Variants in COL5A2 observed in about 807,000 individuals in gnomAD.
The protein encoded by COL5A2 is collagen type V alpha 2 chain.
COL5A2 carries 23 observed loss-of-function variants against 208.2 expected under a neutral mutation model. The ratio of observed to expected loss-of-function variants is 0.11; its 90% CI spans 0.08 to 0.16. The LOEUF (loss-of-function observed/expected upper bound fraction) is 0.16. COL5A2 is among the 10% of genes least tolerant of loss of function. COL5A2 has a pLI of 1.00. For synonymous variants in COL5A2, 625 were observed against 628.5 expected, an observed-to-expected ratio of 0.99 and a Z score of 0.08; for missense variants, 1,590 against 1,956.4, an observed-to-expected ratio of 0.81 and a Z score of 3.53.
chr2:189,431,276 T>G, the COL5A2 span, among the ~76,000 whole-genome samples: 1 of 151,796 alleles, frequency 6.6e-6, no homozygotes, highest in African/African-American at 2.4e-5. Context: ...AAAACCAGAG[T>G]GCCTCTTCTC....
At chr2:189,227,095 T>G (rs1328555866), upstream of COL5A2, among the ~76,000 whole-genome samples, 1 of 152,136 alleles carries the variant, frequency 6.6e-6, no homozygotes, top group Non-Finnish European at 1.5e-5. Flanking sequence ...GAATCTCTAC[T>G]TGGGCCAATT....
At chr2:189,381,255 T>G in the COL5A2 span, among the ~76,000 whole-genome samples, 1 of 152,200 alleles carries the variant, frequency 6.6e-6, no homozygotes, top group Non-Finnish European at 1.5e-5. Context: ...GCAGAAAGCT[T>G]TTAGGAAGAC....
chr2:189,257,166 G>A, the COL5A2 span, among the ~76,000 whole-genome samples: 3 of 152,196 alleles, frequency 2.0e-5, no homozygotes, highest in African/African-American at 7.2e-5. Flanking sequence ...CACATGGTTG[G>A]ACTAATTTAT....
chr2:189,144,255 C>G (rs1183866827), intron 1 of COL5A2, among the ~76,000 whole-genome samples: 1 of 152,042 alleles, frequency 6.6e-6, no homozygotes, highest in Admixed American at 6.6e-5. Context: ...AAAAAAGGTA[C>G]AGTTTGACAC....
At chr2:189,192,902 TATCACA>T (rs1688948922) in intron 1 of COL5A2, among the ~76,000 whole-genome samples, 1 of 152,128 alleles carries the variant, frequency 6.6e-6, no homozygotes, top group South Asian at 2.1e-4. Context: ...GTGTGCTACT[TATCACA>T]AGAGTGCTAC....
chr2:189,182,127 T>C (rs1189403224), upstream of COL5A2, among the ~76,000 whole-genome samples: 2 of 152,208 alleles, frequency 1.3e-5, no homozygotes, highest in African/African-American at 2.4e-5. Flanking sequence ...TGACCAGGAA[T>C]ATCTGTTTAA....
chr2:189,300,632 C>G, the COL5A2 span, among the ~76,000 whole-genome samples: 1 of 152,156 alleles, frequency 6.6e-6, no homozygotes, highest in African/African-American at 2.4e-5. Context: ...CAGCCAGAGG[C>G]GGGACAGCCC....
the COL5A2 span, among the ~76,000 whole-genome samples, chr2:189,436,037 TA>T: frequency 6.6e-6 from 1 of 152,134 alleles, no homozygotes; most frequent in South Asian, 2.1e-4. Context: ...GGCACATGGA[TA>T]AAGCTAGAAA....
intron 1 of COL5A2, among the ~76,000 whole-genome samples, chr2:189,158,041 T>C (rs1207522990): frequency 6.6e-6 from 1 of 151,990 alleles, no homozygotes; most frequent in African/African-American, 2.4e-5. Context: ...TGAAACATAG[T>C]ACAGGTCCAA....
intron 1 of COL5A2, among the ~76,000 whole-genome samples, chr2:189,150,109 C>T (rs568910420): frequency 2.6e-5 from 4 of 152,290 alleles, no homozygotes; most frequent in African/African-American, 7.2e-5. Context: ...AACTAGCCCT[C>T]ACTCATTACT....
the COL5A2 span, among the ~76,000 whole-genome samples, chr2:189,401,548 T>C: frequency 1.3e-5 from 2 of 152,208 alleles, no homozygotes; most frequent in Non-Finnish European, 2.9e-5. Context: ...ATCTTTATAA[T>C]AGAATGATTT....
chr2:189,280,408 G>T, the COL5A2 span, among the ~76,000 whole-genome samples: 1 of 152,048 alleles, frequency 6.6e-6, no homozygotes, highest in Non-Finnish European at 1.5e-5. Context: ...AGGTATAGGT[G>T]CTTCTACTTC....
chr2:189,201,287 T>C (rs1269922512), intron 1 of COL5A2, among the ~76,000 whole-genome samples: 2 of 151,882 alleles, frequency 1.3e-5, no homozygotes, highest in East Asian at 3.9e-4. Context: ...TAACAAAATA[T>C]TAAAAAGAGG....
chr2:189,183,078 A>G (rs1688804103), upstream of COL5A2, among the ~76,000 whole-genome samples: 1 of 152,080 alleles, frequency 6.6e-6, no homozygotes, highest in Non-Finnish European at 1.5e-5. Context: ...TTTCCCTTCC[A>G]TTCCTTCTTC....
intron 1 of COL5A2, among the ~76,000 whole-genome samples, chr2:189,143,843 T>C (rs1442764537): frequency 6.6e-6 from 1 of 152,042 alleles, no homozygotes; most frequent in East Asian, 1.9e-4. Flanking sequence ...TAGGAAGAAA[T>C]GAAGACATTA....
At chr2:189,214,706 A>G (rs1689257123) in intron 1 of COL5A2, among the ~76,000 whole-genome samples, 1 of 152,214 alleles carries the variant, frequency 6.6e-6, no homozygotes, top group Non-Finnish European at 1.5e-5. Context: ...GGCAGGCAAG[A>G]CAAAAGAGTT....
chr2:189,325,687 T>C, the COL5A2 span, among the ~76,000 whole-genome samples: 1 of 152,242 alleles, frequency 6.6e-6, no homozygotes, highest in Non-Finnish European at 1.5e-5. Context: ...AGGAAAAATG[T>C]ACTTATACTT....
the COL5A2 span, among the ~76,000 whole-genome samples, chr2:189,412,855 G>T: frequency 6.6e-6 from 1 of 152,130 alleles, no homozygotes; most frequent in Non-Finnish European, 1.5e-5. Context: ...AATACGCAGC[G>T]ACTCAAGAAT....
At chr2:189,248,140 C>A in the COL5A2 span, among the ~76,000 whole-genome samples, 2 of 152,180 alleles carry the variant, frequency 1.3e-5, no homozygotes, top group East Asian at 3.9e-4. Flanking sequence ...AGTATTCAAG[C>A]CACAAAACGT....
Sources: gnomAD v4.1 joint callset for allele counts (sites outside exome capture counted in the v4.1 genomes callset) on GRCh38, gnomAD v4.1.1 for gene constraint, MANE v1.5 for transcripts, NCBI Gene and HGNC (gene_info 2026-07-23, HGNC 2026-07-21) for gene names.